The following DEPDC1B variants were observed in gnomAD, a reference collection of about 807,000 sequenced individuals.
The protein encoded by DEPDC1B is DEP domain-containing protein 1B.
A neutral mutation model predicts 66.5 loss-of-function variants in DEPDC1B; 51 were observed. That is an observed-to-expected ratio of 0.77 (90% CI 0.61 to 0.97). The LOEUF (loss-of-function observed/expected upper bound fraction) is 0.97, where lower values mean the gene tolerates loss of function less well. DEPDC1B is among the 50% of genes least tolerant of loss of function. DEPDC1B has a pLI of 0.00. For missense variants in DEPDC1B, 552 were observed against 637.1 expected (o/e 0.87, Z 1.44); for synonymous variants, 226 against 223.6 (o/e 1.01, Z -0.10).
At chr5:60,696,549 AT>A (rs983537539) in intron 1 of DEPDC1B, among the ~76,000 whole-genome samples, 2 of 152,208 alleles carry the variant, frequency 1.3e-5, no homozygotes, top group Non-Finnish European at 2.9e-5. Flanking sequence ...ATCTAACAAT[AT>A]ACCATTCTCA....
intron 7 of DEPDC1B, among the ~76,000 whole-genome samples, chr5:60,634,245 C>T (rs898049560): frequency 1.3e-5 from 2 of 152,198 alleles, no homozygotes; most frequent in Admixed American, 1.3e-4. Flanking sequence ...AGCCAAAGAA[C>T]CCACTGTCTT....
intron 2 of DEPDC1B, among the ~76,000 whole-genome samples, chr5:60,654,272 G>T (rs1209611345): frequency 6.7e-6 from 1 of 148,670 alleles, no homozygotes; most frequent in Non-Finnish European, 1.5e-5. Context: ...TGTCATCTAT[G>T]ATTTCTTTCA....
At chr5:60,677,303 C>A (rs1754184108) in intron 2 of DEPDC1B, among the ~76,000 whole-genome samples, 1 of 101,786 alleles carries the variant, frequency 9.8e-6, no homozygotes, top group Admixed American at 9.6e-5. Context: ...CAGACACACA[C>A]ACACACACAC....
At chr5:60,615,691 G>A (rs368548232) in intron 7 of DEPDC1B, among the ~76,000 whole-genome samples, 2 of 152,326 alleles carry the variant, frequency 1.3e-5, no homozygotes, top group East Asian at 3.9e-4. Context: ...AGGCCTGCCT[G>A]CCTCTGTAGA....
rs144770684 is a variant in DEPDC1B, at chr5:60,674,239, TAGA to T, written c.314+12720_314+12722del. Among the ~76,000 whole-genome samples the T allele has an allele frequency of 5.6e-3, 849 of 152,136 alleles. 5 individuals are homozygous for T. Among genetic ancestry groups the T allele is most frequent in the Non-Finnish European group, 8.3e-3 (561 of 67,980 alleles). On this transcript the variant is annotated intron_variant, in intron 2 of 10. Coordinates refer to ENST00000265036, the MANE Select transcript of DEPDC1B (RefSeq NM_018369.3). Reference sequence around the variant, plus strand: ...TATGACCCCAAATGAAGGATCAGGATAGAAGAATAAGCCAAGGATTTGAAATTA... The same window carrying T: ...TATGACCCCAAATGAAGGATCAGGATAGAATAAGCCAAGGATTTGAAATTA...
chr5:60,629,876 A>G (rs185185224), intron 7 of DEPDC1B, among the ~76,000 whole-genome samples: 344 of 152,300 alleles, frequency 2.3e-3, no homozygotes, highest in Non-Finnish European at 3.4e-3. Flanking sequence ...TCAGTTTTCT[A>G]TAGTCCCACA....
chr5:60,675,886 TTC>T (rs1272459066), intron 2 of DEPDC1B, among the ~76,000 whole-genome samples: 1 of 151,904 alleles, frequency 6.6e-6, no homozygotes, highest in Non-Finnish European at 1.5e-5. Flanking sequence ...AGTAGCTGCC[TTC>T]TCTGTTTCTT....
At chr5:60,627,168 T>C (rs899669074) in intron 7 of DEPDC1B, among the ~76,000 whole-genome samples, 3 of 152,166 alleles carry the variant, frequency 2.0e-5, no homozygotes, top group African/African-American at 7.2e-5. Context: ...CTGAGCTCTT[T>C]GTTCCTTAAC....
intron 1 of DEPDC1B, among the ~76,000 whole-genome samples, chr5:60,688,720 G>A (rs767955584): frequency 1.3e-5 from 2 of 152,020 alleles, no homozygotes; most frequent in Non-Finnish European, 2.9e-5. Context: ...ATGTGGCTTT[G>A]GTGCAGTTAA....
At chr5:60,662,305 G>A (rs1394307137) in intron 2 of DEPDC1B, among the ~76,000 whole-genome samples, 1 of 151,992 alleles carries the variant, frequency 6.6e-6, no homozygotes, top group African/African-American at 2.4e-5. Flanking sequence ...GGAGAATGGC[G>A]TGAACCCGGG....
intron 2 of DEPDC1B, among the ~76,000 whole-genome samples, chr5:60,661,593 C>A (rs1229656928): frequency 1.3e-5 from 2 of 152,164 alleles, no homozygotes; most frequent in African/African-American, 4.8e-5. Flanking sequence ...TATCAGATAA[C>A]CCTGATGGCT....
chr5:60,597,306 A>G lies in DEPDC1B; in HGVS notation c.*447T>C, dbSNP rs1487760171. 1 of 153,170 alleles carries G rather than the reference A, an allele frequency of 6.5e-6. No homozygotes were observed. The highest frequency in any genetic ancestry group is 1.5e-5 in the Non-Finnish European group (1 of 68,448). The allele number at this position is 153,170 out of a possible 1,614,324, so 9.5% of individuals were successfully genotyped here. On this transcript the variant is annotated 3_prime_UTR_variant, in exon 11 of 11. Coordinates refer to ENST00000265036, the MANE Select transcript of DEPDC1B (RefSeq NM_018369.3). ...ACAGGAGAAATGATAATTGGCTACTAAGTCAATAGCATCACAGTAACAGTA... is the reference window on the plus strand; with the variant it reads ...ACAGGAGAAATGATAATTGGCTACTGAGTCAATAGCATCACAGTAACAGTA...
Position 60,645,542 on chromosome 5 carries a change from C to T in DEPDC1B, c.528G>A (p.Gln176=). 6.2e-7 allele frequency: 1 copy of T among 1,613,216 alleles called. No individual in the cohort carries two copies. The highest frequency in any genetic ancestry group is 8.5e-7 in the Non-Finnish European group (1 of 1,179,510). ...VPACRLVHRR[Q]LTEANVEEIW... is the part of the protein sequence containing the mutation. ...TCTCTTCTACATTGGCCTCTGTCAG[C>T]TGTCTGCGGTGGACAAGACGGCAAG... Residue 176 remains glutamine (Q), a synonymous_variant, in exon 4 of 11, where the codon CAG becomes CAA. Transcript: ENST00000265036.
At chr5:60,605,521 T>A (rs1752291047) in intron 8 of DEPDC1B, among the ~76,000 whole-genome samples, 169 bp downstream of exon 8, 1 of 152,214 alleles carries the variant, frequency 6.6e-6, no homozygotes, top group African/African-American at 2.4e-5. Flanking sequence ...TCTCATTATG[T>A]TCTTTAAGAC....
At chr5:60,605,575 G>A in intron 8 of DEPDC1B, 115 bp downstream of exon 8, 3 of 1,133,940 alleles carry the variant, frequency 2.6e-6, no homozygotes, top group East Asian at 2.5e-5. Context: ...GACACTGACT[G>A]TGGCTCTTTT....
At chr5:60,668,775 A>C (rs1034009307) in intron 2 of DEPDC1B, among the ~76,000 whole-genome samples, 5 of 152,208 alleles carry the variant, frequency 3.3e-5, no homozygotes, top group Non-Finnish European at 2.9e-5. Context: ...AATTGGCAAA[A>C]GTTTAAGTCA....
At chr5:60,696,905 T>C (rs555789256) in intron 1 of DEPDC1B, among the ~76,000 whole-genome samples, 1 of 150,018 alleles carries the variant, frequency 6.7e-6, no homozygotes, top group African/African-American at 2.5e-5. Flanking sequence ...GAAAACTGAC[T>C]GGTCTGGGAG....
chr5:60,658,771 C>T (rs1162379247), intron 2 of DEPDC1B, among the ~76,000 whole-genome samples: 1 of 152,198 alleles, frequency 6.6e-6, no homozygotes, highest in African/African-American at 2.4e-5. Context: ...TTAGGGTCCC[C>T]TCCCATTGTA....
intron 2 of DEPDC1B, among the ~76,000 whole-genome samples, chr5:60,652,787 A>G (rs892052817): frequency 2.0e-5 from 3 of 148,710 alleles, no homozygotes; most frequent in African/African-American, 7.6e-5. Context: ...CCTAAAGTCT[A>G]TCATATCATT....
Sources: allele counts gnomAD v4.1 joint callset (sites outside exome capture counted in the v4.1 genomes callset), GRCh38; gene constraint gnomAD v4.1.1; transcripts MANE v1.5; gene names NCBI Gene and HGNC (gene_info 2026-07-23, HGNC 2026-07-21).